The following JADE3 variants were observed in gnomAD, a reference collection of about 807,000 sequenced individuals.
The protein encoded by JADE3 is jade family PHD finger 3.
Under a neutral mutation model 50.1 loss-of-function variants are expected in JADE3, and 2 were observed. The observed-to-expected ratio is 0.04, with a 90% CI of 0.02 to 0.13. The LOEUF (loss-of-function observed/expected upper bound fraction) is 0.13. JADE3 is among the 10% of genes least tolerant of loss of function. The pLI is 1.00. For missense variants in JADE3, 475 were observed against 634.4 expected (o/e 0.75, Z 2.70); for synonymous variants, 218 against 232.9 (o/e 0.94, Z 0.58).
chrX:47,048,098 G>T (rs1483494469), intron 8 of JADE3, among the ~76,000 whole-genome samples: 1 of 111,351 alleles, frequency 9.0e-6, no homozygotes, highest in Admixed American at 9.6e-5. Flanking sequence ...GGCCACGTAG[G>T]CATTGCTCAC....
At chrX:46,946,748 A>G (rs1343452292) in intron 1 of JADE3, among the ~76,000 whole-genome samples, 5 of 112,353 alleles carry the variant, frequency 4.5e-5, no homozygotes, top group African/African-American at 1.6e-4. Flanking sequence ...TAGTAGCTTG[A>G]AATTGACCAT....
At chrX:46,955,287 G>A (rs1927089616) in intron 1 of JADE3, among the ~76,000 whole-genome samples, 1 of 112,549 alleles carries the variant, frequency 8.9e-6, no homozygotes, top group African/African-American at 3.2e-5. Context: ...GTTTATTTCA[G>A]TGGGATGTTT....
At chrX:47,002,676 AT>A (rs1360440990) in intron 4 of JADE3, among the ~76,000 whole-genome samples, 3 of 93,741 alleles carry the variant, frequency 3.2e-5, no homozygotes, top group African/African-American at 8.7e-5. Flanking sequence ...TGGCAGTTTT[AT>A]TTAAAAAAAA....
At chrX:47,019,842 C>T (rs781820697) in intron 4 of JADE3, among the ~76,000 whole-genome samples, 1 of 111,830 alleles carries the variant, frequency 8.9e-6, no homozygotes, top group East Asian at 2.8e-4. Context: ...AGTGTTCCAG[C>T]CACTGGTCTC....
chrX:47,017,458 A>G (rs1010865890), intron 4 of JADE3, among the ~76,000 whole-genome samples: 2 of 112,007 alleles, frequency 1.8e-5, no homozygotes, highest in Non-Finnish European at 3.8e-5. Context: ...ACAATGCTTC[A>G]TTTTTTGTTG....
intron 1 of JADE3, among the ~76,000 whole-genome samples, chrX:46,924,855 A>G (rs1311331594): frequency 8.0e-5 from 9 of 112,360 alleles, no homozygotes; most frequent in Non-Finnish European, 1.5e-4. Flanking sequence ...GATTTTATCT[A>G]TTTAGATTGT....
At chrX:47,025,597 G>A (rs1928889919) in intron 5 of JADE3, among the ~76,000 whole-genome samples, 2 of 111,925 alleles carry the variant, frequency 1.8e-5, no homozygotes, top group Admixed American at 9.5e-5. Context: ...AAGTAAATGT[G>A]TGCCATACAA....
At chrX:46,939,621 A>C (rs1437850983) in intron 1 of JADE3, among the ~76,000 whole-genome samples, 1 of 111,882 alleles carries the variant, frequency 8.9e-6, no homozygotes, top group African/African-American at 3.2e-5. Flanking sequence ...TTCCACTGTA[A>C]TGTATTGCTG....
At chrX:47,053,298 G>T (rs1929559315) in intron 8 of JADE3, among the ~76,000 whole-genome samples, 1 of 110,550 alleles carries the variant, frequency 9.0e-6, no homozygotes, top group African/African-American at 3.3e-5. Context: ...TCACTCTGTT[G>T]CCCAGGCTGG....
At chrX:47,043,869 C>A (rs1407840747) in intron 8 of JADE3, among the ~76,000 whole-genome samples, 6 of 108,591 alleles carry the variant, frequency 5.5e-5, no homozygotes, top group South Asian at 4.0e-4. Context: ...AGCAGAAATT[C>A]TGGAGCTGAA....
rs782174101 is a variant in JADE3 at position 47,058,728 on chromosome X, C to G, written c.2123C>G (p.Thr708Ser). The G allele has an allele frequency of 8.3e-7, 1 of 1,210,244 alleles. No homozygotes were observed. Among genetic ancestry groups the G allele is most frequent in the Non-Finnish European group, 1.1e-6 (1 of 894,362 alleles). Reference sequence around the variant, plus strand: ...AGTCAGGGCAGCTTTAGAAAATCCACTGTAGAACACTTTAGTAGGTCCTTT... The same window carrying G: ...AGTCAGGGCAGCTTTAGAAAATCCAGTGTAGAACACTTTAGTAGGTCCTTT... ...LVSQGSFRKS[T>S]VEHFSRSFKE... Residue 708 changes from threonine (T) to serine (S), a missense_variant, in exon 11 of 11, where the codon ACT becomes AGT. By Grantham distance (58) the Thr-to-Ser change is moderately conservative. Transcript: ENST00000614628.
intron 4 of JADE3, among the ~76,000 whole-genome samples, chrX:47,000,352 A>T (rs2147138586): frequency 9.0e-6 from 1 of 110,918 alleles, no homozygotes; most frequent in Admixed American, 9.7e-5. Context: ...TACTCCGAGG[A>T]TTATTGAGTG....
intron 1 of JADE3, among the ~76,000 whole-genome samples, chrX:46,957,213 T>TTAGA (rs61650300): frequency 0.36 from 35,846 of 98,356 alleles, 5,282 homozygotes; most frequent in East Asian, 0.4. Flanking sequence ...TTCAGATAGA[T>TTAGA]TAGATAGATA....
At chrX:46,934,321 C>T (rs1337076396) in intron 1 of JADE3, among the ~76,000 whole-genome samples, 3 of 98,271 alleles carry the variant, frequency 3.1e-5, no homozygotes, top group Non-Finnish European at 4.1e-5. Context: ...TTTTTTGAGA[C>T]GGAGTCTCCC....
intron 7 of JADE3, among the ~76,000 whole-genome samples, chrX:47,037,272 CTTACA>C (rs1929155102): frequency 9.0e-6 from 1 of 111,652 alleles, no homozygotes; most frequent in Non-Finnish European, 1.9e-5. Flanking sequence ...CTCCTTTCTA[CTTACA>C]TTCTGCAGTC....
chrX:46,967,299 A>G (rs1927388866), intron 1 of JADE3, among the ~76,000 whole-genome samples: 1 of 112,008 alleles, frequency 8.9e-6, no homozygotes, highest in South Asian at 3.7e-4. Context: ...GTAGGCTCAC[A>G]GGTATTTTTT....
chrX:46,966,314 G>T (rs1318943182), intron 1 of JADE3, among the ~76,000 whole-genome samples: 1 of 111,593 alleles, frequency 9.0e-6, no homozygotes, highest in East Asian at 2.8e-4. Flanking sequence ...TCTTTTTGTT[G>T]ATGTATCTTT....
At chrX:46,994,174 A>C (rs1928073007) in intron 3 of JADE3, among the ~76,000 whole-genome samples, 1 of 112,506 alleles carries the variant, frequency 8.9e-6, no homozygotes, top group Non-Finnish European at 1.9e-5. Context: ...GATGTTAATG[A>C]GAGCAATAAA....
intron 1 of JADE3, among the ~76,000 whole-genome samples, chrX:46,980,693 A>G (rs1602394208): frequency 9.0e-6 from 1 of 111,080 alleles, no homozygotes; most frequent in Non-Finnish European, 1.9e-5. Flanking sequence ...GATCCTGAAG[A>G]CTTTCTCTTA....
Sources: gnomAD v4.1 joint callset for allele counts (sites outside exome capture counted in the v4.1 genomes callset) on GRCh38, gnomAD v4.1.1 for gene constraint, MANE v1.5 for transcripts, NCBI Gene and HGNC (gene_info 2026-07-23, HGNC 2026-07-21) for gene names.